The following TENM2 variants were observed in gnomAD, a reference collection of about 807,000 sequenced individuals.
TENM2 encodes teneurin transmembrane protein 2, also known as teneurin-2.
A neutral mutation model predicts 245.2 loss-of-function variants in TENM2; 52 were observed. That is an observed-to-expected ratio of 0.21 (90% confidence interval 0.17 to 0.27). The LOEUF (loss-of-function observed/expected upper bound fraction) is 0.27, where lower values mean the gene tolerates loss of function less well. TENM2 is among the 10% of genes least tolerant of loss of function. The pLI is 1.00. For missense variants in TENM2, 3,046 were observed against 3,666.8 expected (o/e 0.83, Z 4.37); for synonymous variants, 1,363 against 1,438.9 (o/e 0.95, Z 1.19).
At chr5:168,072,651 C>T (rs976897277) in intron 7 of TENM2, among the ~76,000 whole-genome samples, 1 of 152,126 alleles carries the variant, frequency 6.6e-6, no homozygotes, top group Admixed American at 6.5e-5. Context: ...GGGTTTGAAT[C>T]TTATCTCTCC....
intron 26 of TENM2, among the ~76,000 whole-genome samples, chr5:168,245,120 A>T (rs1167818645): frequency 6.6e-6 from 1 of 150,556 alleles, no homozygotes; most frequent in Non-Finnish European, 1.5e-5. Flanking sequence ...AGACATCTTA[A>T]CATCTTTACT....
At chr5:167,279,401 T>G in the TENM2 span, among the ~76,000 whole-genome samples, 11 of 152,156 alleles carry the variant, frequency 7.2e-5, no homozygotes, top group Non-Finnish European at 1.3e-4. Context: ...ATTAGGTATT[T>G]TATCATCACC....
chr5:167,863,098 C>G (rs1324070975), intron 2 of TENM2, among the ~76,000 whole-genome samples: 2 of 152,274 alleles, frequency 1.3e-5, no homozygotes, highest in East Asian at 3.9e-4. Flanking sequence ...TTTGTCAAGT[C>G]CCGTGATCTC....
the TENM2 span, among the ~76,000 whole-genome samples, chr5:167,101,849 T>TTATATATATATATTTATATATATATA: frequency 1.2e-4 from 8 of 69,434 alleles, no homozygotes; most frequent in African/African-American, 4.4e-4. Flanking sequence ...ATATATATAT[T>TTATATATATATATTTATATATATATA]TATATATATA....
At chr5:167,375,502 C>T (rs1460759024) in intron 2 of TENM2, 29 bp downstream of exon 4, 10 of 1,548,346 alleles carry the variant, frequency 6.5e-6, no homozygotes, top group Admixed American at 2.0e-5. Flanking sequence ...TACCTTTTAA[C>T]GTTCTGTGCA....
intron 2 of TENM2, among the ~76,000 whole-genome samples, chr5:167,738,984 G>A (rs1447767256): frequency 6.6e-6 from 1 of 152,108 alleles, no homozygotes; most frequent in African/African-American, 2.4e-5. Context: ...TCTGTAACAG[G>A]GATGAATGAT....
intron 5 of TENM2, among the ~76,000 whole-genome samples, chr5:167,997,393 C>T (rs889525587): frequency 1.3e-5 from 2 of 152,218 alleles, no homozygotes; most frequent in African/African-American, 4.8e-5. Context: ...GTTCCTGCTT[C>T]CTGAATCATC....
At chr5:167,907,504 A>G (rs1312891982) in intron 3 of TENM2, among the ~76,000 whole-genome samples, 2 of 125,566 alleles carry the variant, frequency 1.6e-5, no homozygotes, top group Non-Finnish European at 3.3e-5. Flanking sequence ...TGCCTTAGTA[A>G]TTTTGTTTAG....
chr5:167,583,607 G>A (rs970007105), intron 2 of TENM2, among the ~76,000 whole-genome samples: 4 of 152,004 alleles, frequency 2.6e-5, no homozygotes, highest in Non-Finnish European at 5.9e-5. Context: ...TAGGTTTATA[G>A]TACCACAAGA....
the TENM2 span, among the ~76,000 whole-genome samples, chr5:167,039,611 T>TAAC: frequency 4.9e-5 from 4 of 82,086 alleles, no homozygotes; most frequent in African/African-American, 3.5e-4. Flanking sequence ...AAATGTCAAT[T>TAAC]AACAAAAAAA....
chr5:167,753,114 C>T (rs1762066997), intron 2 of TENM2, among the ~76,000 whole-genome samples: 1 of 152,010 alleles, frequency 6.6e-6, no homozygotes, highest in Non-Finnish European at 1.5e-5. Flanking sequence ...TAGACCACAC[C>T]CAGAAAATTA....
chr5:167,469,630 T>C (rs1766886759), intron 2 of TENM2, among the ~76,000 whole-genome samples: 1 of 152,168 alleles, frequency 6.6e-6, no homozygotes, highest in South Asian at 2.1e-4. Context: ...AACAAATCAT[T>C]TCTGCAGTTA....
chr5:167,091,930 A>G, the TENM2 span, among the ~76,000 whole-genome samples: 2 of 152,210 alleles, frequency 1.3e-5, no homozygotes, highest in Non-Finnish European at 2.9e-5. Flanking sequence ...GAGGTTCTCA[A>G]AGTTACAGTA....
chr5:167,558,025 A>G (rs561893194), intron 2 of TENM2, among the ~76,000 whole-genome samples: 1 of 152,328 alleles, frequency 6.6e-6, no homozygotes, highest in East Asian at 1.9e-4. Context: ...TTTTGTTTTT[A>G]AGATAATTGC....
chr5:167,299,742 CA>C (rs1169210489), intron 1 of TENM2, among the ~76,000 whole-genome samples: 1 of 151,964 alleles, frequency 6.6e-6, no homozygotes, highest in African/African-American at 2.4e-5. Context: ...GGGTGAACGT[CA>C]GGTGGATCAG....
chr5:167,874,835 T>G (rs1415796284), intron 2 of TENM2, among the ~76,000 whole-genome samples: 4 of 152,182 alleles, frequency 2.6e-5, no homozygotes, highest in Admixed American at 2.6e-4. Context: ...CTGAGCACCT[T>G]CTGCCGGACT....
chr5:168,133,223 G>GA (rs1383147407), intron 12 of TENM2, among the ~76,000 whole-genome samples: 2 of 152,054 alleles, frequency 1.3e-5, no homozygotes, highest in Non-Finnish European at 2.9e-5. Context: ...ACAGTATTAG[G>GA]AAAAAATATA....
intron 2 of TENM2, among the ~76,000 whole-genome samples, chr5:167,562,156 C>G (rs558867390): frequency 2.6e-5 from 4 of 152,134 alleles, no homozygotes; most frequent in Admixed American, 2.0e-4. Flanking sequence ...TCAGCAGGAG[C>G]GTGAGGCTGC....
chr5:168,036,522 G>A (rs574534978), intron 5 of TENM2, among the ~76,000 whole-genome samples: 45 of 151,694 alleles, frequency 3.0e-4, no homozygotes, highest in African/African-American at 1.0e-3. Context: ...TGTAATCCCA[G>A]CTACTTGGGA....
Sources: gnomAD v4.1 joint callset for allele counts (sites outside exome capture counted in the v4.1 genomes callset) on GRCh38, gnomAD v4.1.1 for gene constraint, MANE v1.5 for transcripts, NCBI Gene and HGNC (gene_info 2026-07-23, HGNC 2026-07-21) for gene names.